The following MAGED1 variants were observed in gnomAD, a reference collection of about 807,000 sequenced individuals.
MAGED1 encodes the protein MAGE family member D1.
A neutral mutation model predicts 54.1 loss-of-function variants in MAGED1; 3 were observed. The ratio of observed to expected loss-of-function variants is 0.06; its 90% CI spans 0.03 to 0.14. MAGED1 has a LOEUF of 0.14. Ranked by LOEUF, MAGED1 falls within the 10% of genes least tolerant of loss-of-function variation. The probability of loss-of-function intolerance (pLI) is 1.00; values close to 1 mark genes in which losing one functional copy is unlikely to be tolerated. For missense variants in MAGED1, 485 were observed against 623.4 expected (o/e 0.78, Z 2.36); for synonymous variants, 217 against 227.3 (o/e 0.95, Z 0.41).
rs982171109 is a variant in MAGED1 at position 51,858,366 on chromosome X, T to A, written c.-36-35903T>A. Among the ~76,000 whole-genome samples the A allele has an allele frequency of 4.5e-5, 5 of 112,125 alleles. No homozygotes were observed. In the East Asian group the frequency reaches 1.4e-3, roughly 31 times the overall value. On this transcript the variant is annotated intron_variant, in intron 1 of 12. Transcript: ENST00000375772. ...CATTATTAAGAAATTCCTTCAGAAA[T>A]CAGGATTCACTCTTCAGTGAGTATT...
intron 1 of MAGED1, among the ~76,000 whole-genome samples, chrX:51,879,753 C>T (rs1927994335): frequency 9.0e-6 from 1 of 111,596 alleles, no homozygotes; most frequent in African/African-American, 3.3e-5. Context: ...GATGATTTGC[C>T]CTGAAATTTC....
intron 1 of MAGED1, among the ~76,000 whole-genome samples, chrX:51,809,310 T>G (rs1925138060): frequency 9.0e-6 from 1 of 110,905 alleles, no homozygotes; most frequent in Non-Finnish European, 1.9e-5. Flanking sequence ...GAGACGGGGT[T>G]TCACTGTGTT....
intron 2 of MAGED1, chrX:51,894,827 C>T (rs782297051): frequency 1.8e-6 from 2 of 1,133,326 alleles, no homozygotes; most frequent in South Asian, 4.4e-5. Flanking sequence ...CCGCCCCACC[C>T]CTCATTTTGC....
intron 1 of MAGED1, among the ~76,000 whole-genome samples, chrX:51,882,515 A>G (rs1557362573): frequency 1.8e-5 from 2 of 108,109 alleles, no homozygotes; most frequent in Non-Finnish European, 3.8e-5. Context: ...AGGAATCAAC[A>G]TGGAGGTAAG....
At chrX:51,830,836 T>C (rs1926035772) in intron 1 of MAGED1, among the ~76,000 whole-genome samples, 1 of 112,109 alleles carries the variant, frequency 8.9e-6, no homozygotes, top group Non-Finnish European at 1.9e-5. Context: ...TAAGGTTTCA[T>C]ATGCTGTCTC....
chrX:51,894,497 G>C, intron 2 of MAGED1, 148 bp downstream of exon 2: 1 of 812,307 alleles, frequency 1.2e-6, no homozygotes, highest in South Asian at 2.2e-5. Context: ...ATCGTTTATC[G>C]AAGGGGGGGA....
At chrX:51,841,359 C>G (rs1256508042) in intron 1 of MAGED1, among the ~76,000 whole-genome samples, 2 of 110,349 alleles carry the variant, frequency 1.8e-5, no homozygotes, top group African/African-American at 6.6e-5. Flanking sequence ...GAGTAGGTTG[C>G]AAAAATTTTC....
chrX:51,901,684 A>T lies in MAGED1; in HGVS notation c.2091A>T (p.Gly697=). The part of the protein sequence containing the change: ...RAEARTRMGI[G]DEAVSGPWSW... ...AAGCAAGAACCCGCATGGGAATTGG[A>T]GATGAGGCTGTGTCTGGGCCCTGGA... The change falls in exon 12 of 13, where the codon GGA becomes GGT. Residue 697 remains glycine (G), a synonymous_variant. Transcript: ENST00000326587. 8.3e-7 allele frequency: 1 copy of T among 1,211,244 alleles called. No individual in the cohort carries two copies. Among genetic ancestry groups the T allele is most frequent in the Non-Finnish European group, 1.1e-6 (1 of 895,409 alleles).
chrX:51,853,128 A>G (rs1211402584), intron 1 of MAGED1, among the ~76,000 whole-genome samples: 1 of 111,455 alleles, frequency 9.0e-6, no homozygotes, highest in African/African-American at 3.3e-5. Flanking sequence ...AATTAAAGCT[A>G]TCCCTTGAGT....
intron 1 of MAGED1, among the ~76,000 whole-genome samples, chrX:51,827,231 G>C (rs1925880640): frequency 9.1e-6 from 1 of 109,360 alleles, no homozygotes; most frequent in Non-Finnish European, 1.9e-5. Flanking sequence ...CAGCACCCCA[G>C]CCTGGACAAC....
intron 1 of MAGED1, among the ~76,000 whole-genome samples, chrX:51,870,479 T>C (rs1927630376): frequency 8.9e-6 from 1 of 112,100 alleles, no homozygotes; most frequent in Non-Finnish European, 1.9e-5. Flanking sequence ...AATTGTTTTG[T>C]TTTGTTCCAG....
intron 1 of MAGED1, among the ~76,000 whole-genome samples, chrX:51,841,702 C>T (rs1345974404): frequency 9.0e-6 from 1 of 111,343 alleles, no homozygotes; most frequent in Non-Finnish European, 1.9e-5. Context: ...AATCCTTTCC[C>T]CATTGCTTGT....
chrX:51,804,714 AAAAG>A (rs1924969150), intron 1 of MAGED1, among the ~76,000 whole-genome samples: 1 of 111,372 alleles, frequency 9.0e-6, no homozygotes. Flanking sequence ...GAAGAAATAA[AAAAG>A]AAAAAAACAA....
Position 51,894,502 on chromosome X carries a change from G to T in MAGED1, c.45+153G>T, listed in dbSNP as rs1557363911. 8.7e-6 allele frequency: 7 copies of T among 804,622 alleles called. No homozygotes were observed. In the Admixed American group the frequency reaches 1.1e-4, roughly 13 times the overall value. 66.3% of individuals were successfully genotyped at this position (804,622 alleles called of 1,213,427 possible). Reference sequence around the variant, plus strand: ...TCGAATTCCCATCGTTTATCGAAGGGGGGGAGGGGCGTCTCTTTTCAGCCA... The same window carrying T: ...TCGAATTCCCATCGTTTATCGAAGGTGGGGAGGGGCGTCTCTTTTCAGCCA... On this transcript the variant is annotated intron_variant, in intron 2 of 12. Transcript: ENST00000326587.
upstream of MAGED1, among the ~76,000 whole-genome samples, chrX:51,892,557 G>A (rs1222318541): frequency 8.9e-6 from 1 of 111,975 alleles, no homozygotes; most frequent in Non-Finnish European, 1.9e-5. Flanking sequence ...GCACAGAGTG[G>A]ACCCCAAGGA....
chrX:51,878,627 C>T (rs1364042482), intron 1 of MAGED1, among the ~76,000 whole-genome samples: 2 of 111,798 alleles, frequency 1.8e-5, no homozygotes, highest in East Asian at 5.6e-4. Flanking sequence ...GGAAATCTGA[C>T]TGGACTCAGA....
At position 51,805,738 on chromosome X, in the gene MAGED1, A is replaced by G. The variant is rs188812180; in HGVS notation, c.-37+2621A>G. ...GATTCAACAACTGTTAACCTTTGCC[A>G]TATTAGCTCACTCTCTCTATTACTC... On this transcript the variant is annotated intron_variant, in intron 1 of 12. Transcript: ENST00000375772. 2.3e-4 allele frequency among the ~76,000 whole-genome samples: 25 copies of G among 108,683 alleles called. No individual in the cohort carries two copies. The East Asian group carries it at 6.5e-3, about 28-fold the overall frequency. 94.4% of individuals were successfully genotyped at this position (108,683 alleles called of 115,157 possible). A position where few individuals can be genotyped will look rare whatever the true frequency, so the allele number is the denominator to read the frequency against.
chrX:51,836,728 C>T (rs1557357955), intron 1 of MAGED1, among the ~76,000 whole-genome samples: 3 of 109,835 alleles, frequency 2.7e-5, no homozygotes, highest in East Asian at 2.9e-4. Context: ...GCACCACCTA[C>T]GCCCGGCTAG....
chrX:51,829,531 T>A (rs781934659), intron 1 of MAGED1, among the ~76,000 whole-genome samples: 13 of 110,043 alleles, frequency 1.2e-4, no homozygotes, highest in South Asian at 7.7e-4. Flanking sequence ...ACTTTAATTT[T>A]TAAAAAAAAA....
Sources: allele counts gnomAD v4.1 joint callset (sites outside exome capture counted in the v4.1 genomes callset), GRCh38; gene constraint gnomAD v4.1.1; transcripts MANE v1.5; gene names NCBI Gene and HGNC (gene_info 2026-07-23, HGNC 2026-07-21).